The following NRG1 variants were observed in gnomAD, a reference collection of about 807,000 sequenced individuals.
The protein encoded by NRG1 is neuregulin 1.
Under a neutral mutation model 63.8 loss-of-function variants are expected in NRG1, and 18 were observed. That is an observed-to-expected ratio of 0.28 (90% confidence interval 0.19 to 0.42). The LOEUF is 0.42. NRG1 is among the 10% of genes least tolerant of loss of function. NRG1 has a pLI of 1.00. For missense variants in NRG1, 762 were observed against 814.7 expected (o/e 0.94, Z 0.79); for synonymous variants, 302 against 301.3 (o/e 1.00, Z -0.02).
chr8:32,760,656 A>G, intron 11 of NRG1: 1 of 1,298,258 alleles, frequency 7.7e-7, no homozygotes, highest in Non-Finnish European at 9.9e-7. Flanking sequence ...TTGATGCGGA[A>G]GGTGCAGCAC....
Position 32,648,096 on chromosome 8 carries a change from G to C in NRG1, c.502+31211G>C, listed in dbSNP as rs34822181. The stretch of plus-strand genomic sequence containing the variant: ...CCAGGACCCTATTATTTCTCTGGAC[G>C]CAACTGCTGCCTCAGCTGTGTGGGT... On this transcript the variant is annotated intron_variant, in intron 5 of 11. Coordinates refer to ENST00000356819, the Ensembl canonical transcript of NRG1. 14,924 of 1,614,026 alleles carry C rather than the reference G, an allele frequency of 9.2e-3. 95 individuals are homozygous for C. The highest frequency in any genetic ancestry group is 0.028 in the Middle Eastern group (171 of 6,062).
intron 1 of NRG1, among the ~76,000 whole-genome samples, chr8:31,711,609 A>G (rs1184078306): frequency 2.6e-5 from 4 of 152,090 alleles, no homozygotes; most frequent in Admixed American, 2.0e-4. Flanking sequence ...TGGGGAGCTT[A>G]TATCTTTAAG....
chr8:32,068,252 A>G (rs907875574), intron 1 of NRG1, among the ~76,000 whole-genome samples: 1 of 152,212 alleles, frequency 6.6e-6, no homozygotes, highest in African/African-American at 2.4e-5. Flanking sequence ...TTTCTACTGT[A>G]AGAACATGAG....
At chr8:31,786,408 A>G (rs1226189348) in intron 1 of NRG1, among the ~76,000 whole-genome samples, 1 of 152,172 alleles carries the variant, frequency 6.6e-6, no homozygotes, top group African/African-American at 2.4e-5. Context: ...CTCACTACCA[A>G]CAAATAAACC....
At chr8:32,389,749 G>T (rs117841876) in intron 1 of NRG1, among the ~76,000 whole-genome samples, 2,624 of 121,614 alleles carry the variant, frequency 0.022, 42 homozygotes, top group Middle Eastern at 0.032. Flanking sequence ...TTTTCTTTCA[G>T]TCTTTCTTTC....
intron 5 of NRG1, among the ~76,000 whole-genome samples, chr8:32,622,777 A>C (rs1335002938): frequency 6.6e-6 from 1 of 152,214 alleles, no homozygotes; most frequent in African/African-American, 2.4e-5. Flanking sequence ...ATGCATGTAT[A>C]TCATTTAGCA....
chr8:31,872,306 T>C (rs961312084), intron 1 of NRG1, among the ~76,000 whole-genome samples: 1 of 152,086 alleles, frequency 6.6e-6, no homozygotes, highest in Non-Finnish European at 1.5e-5. Context: ...CTTTTATCCT[T>C]TTACCATTTT....
chr8:32,097,777 G>A (rs192529715), intron 1 of NRG1, among the ~76,000 whole-genome samples: 11 of 152,292 alleles, frequency 7.2e-5, no homozygotes, highest in Non-Finnish European at 7.4e-5. Context: ...TGAATAAATG[G>A]GGGTAAGACA....
At chr8:32,351,538 A>C (rs943758890) in intron 1 of NRG1, among the ~76,000 whole-genome samples, 1 of 152,136 alleles carries the variant, frequency 6.6e-6, no homozygotes, top group Non-Finnish European at 1.5e-5. Context: ...AGCTCTTATA[A>C]GATAATAAAG....
intron 1 of NRG1, among the ~76,000 whole-genome samples, chr8:32,567,228 T>A (rs968464252): frequency 4.6e-5 from 7 of 152,198 alleles, no homozygotes; most frequent in African/African-American, 7.2e-5. Flanking sequence ...AAAGAAGATC[T>A]CTAAGAAATG....
chr8:32,764,844 CCT>C (rs1192209317), exon 12 of NRG1: 1 of 154,152 alleles, frequency 6.5e-6, no homozygotes. Context: ...TCCAGATATG[CCT>C]CTCTTGTGTA....
At chr8:32,755,865 C>T (rs1416566497) in intron 8 of NRG1, among the ~76,000 whole-genome samples, 1 of 152,050 alleles carries the variant, frequency 6.6e-6, no homozygotes, top group Non-Finnish European at 1.5e-5. Context: ...GCCTCAGCCT[C>T]CCGAGTAGCT....
chr8:32,732,780 G>A (rs1301414247), intron 6 of NRG1, among the ~76,000 whole-genome samples: 1 of 142,108 alleles, frequency 7.0e-6, no homozygotes, highest in Non-Finnish European at 1.5e-5. Flanking sequence ...TTAACAGACT[G>A]TGTTATCATG....
chr8:32,285,208 TTGATTA>T lies in NRG1; in HGVS notation c.38-310618_38-310613del, dbSNP rs1255513156. On this transcript the variant is annotated intron_variant, in intron 1 of 10. Coordinates refer to the NRG1 transcript ENST00000519301. ...AGGCATTCTAAACTGGAAAGGGCCT[TTGATTA>T]TTTAGCCCAAATGCATCACCTGTTT... Among the ~76,000 whole-genome samples the T allele has an allele frequency of 1.2e-4, 19 of 152,294 alleles. No homozygotes were observed. In the East Asian group the frequency reaches 3.1e-3, roughly 25 times the overall value.
intron 1 of NRG1, among the ~76,000 whole-genome samples, chr8:31,831,472 A>G (rs1389280080): frequency 1.3e-5 from 2 of 152,194 alleles, no homozygotes; most frequent in Non-Finnish European, 2.9e-5. Flanking sequence ...GCTTTATTCA[A>G]AATGTCATAG....
intron 1 of NRG1, among the ~76,000 whole-genome samples, chr8:32,560,878 T>C (rs1190406379): frequency 6.6e-6 from 1 of 152,222 alleles, no homozygotes; most frequent in Non-Finnish European, 1.5e-5. Flanking sequence ...TGGCACCTAA[T>C]GTTTGCTATG....
chr8:32,458,772 A>G (rs1821932066), intron 1 of NRG1, among the ~76,000 whole-genome samples: 3 of 152,222 alleles, frequency 2.0e-5, no homozygotes, highest in East Asian at 1.9e-4. Flanking sequence ...CAAGAGGCTT[A>G]CAATTATTCT....
At chr8:32,026,873 A>G (rs1173534611) in intron 1 of NRG1, among the ~76,000 whole-genome samples, 1 of 152,106 alleles carries the variant, frequency 6.6e-6, no homozygotes, top group Non-Finnish European at 1.5e-5. Context: ...TGTTTAAAGT[A>G]TTCACTTTTC....
At position 32,058,096 on chromosome 8, in the gene NRG1, A is replaced by G. The variant is rs1586795752; in HGVS notation, c.37+418665A>G. Among the ~76,000 whole-genome samples the G allele has an allele frequency of 3.9e-5, 6 of 152,248 alleles. 1 individual carries two copies. In the East Asian group the frequency reaches 1.2e-3, roughly 29 times the overall value. On this transcript the variant is annotated intron_variant, in intron 1 of 10. Coordinates refer to the NRG1 transcript ENST00000519301. ...AGTTATACAAATGTATTAATTCACC[A>G]CGTGTAGCCCAAAAATATGTACAAC...
Sources: allele counts gnomAD v4.1 joint callset (sites outside exome capture counted in the v4.1 genomes callset), GRCh38; gene constraint gnomAD v4.1.1; transcripts MANE v1.5; gene names NCBI Gene and HGNC (gene_info 2026-07-23, HGNC 2026-07-21).